The following UPF3A variants were observed in gnomAD, a reference collection of about 807,000 sequenced individuals.
The protein encoded by UPF3A is regulator of nonsense transcripts 3A.
UPF3A carries 42 observed loss-of-function variants against 53.5 expected under a neutral mutation model. That is an observed-to-expected ratio of 0.78 (90% CI 0.61 to 1.01). UPF3A has a LOEUF of 1.01. Ranked by LOEUF, UPF3A falls within the 50% of genes least tolerant of loss-of-function variation. The pLI, the probability that UPF3A is intolerant of heterozygous loss-of-function variation, is 0.00. For missense variants in UPF3A, 575 were observed against 598.0 expected, an observed-to-expected ratio of 0.96 and a Z score of 0.40; for synonymous variants, 237 against 225.3, an observed-to-expected ratio of 1.05 and a Z score of -0.47.
intron 7 of UPF3A, among the ~76,000 whole-genome samples, chr13:114,294,622 G>A (rs1315128699): frequency 3.3e-5 from 5 of 152,130 alleles, no homozygotes; most frequent in African/African-American, 9.7e-5. Context: ...TCAGGAGATC[G>A]AGACCATCCT....
chr13:114,299,791 C>T (rs948410880), intron 8 of UPF3A, among the ~76,000 whole-genome samples: 2 of 152,356 alleles, frequency 1.3e-5, no homozygotes, highest in African/African-American at 4.8e-5. Context: ...CACTGCCTCT[C>T]GCCACCCACA....
chr13:114,286,699 C>G, intron 5 of UPF3A, 70 bp downstream of exon 5: 1 of 1,278,812 alleles, frequency 7.8e-7, no homozygotes, highest in Non-Finnish European at 1.1e-6. Context: ...CGTTTTTTCT[C>G]TTTTTCTTGA....
At chr13:114,290,185 T>A (rs1403569100) in intron 5 of UPF3A, among the ~76,000 whole-genome samples, 4 of 152,162 alleles carry the variant, frequency 2.6e-5, no homozygotes. Context: ...AGCTCTTCCC[T>A]ACAACCACTG....
At chr13:114,296,237 G>A (rs1216659333) in intron 7 of UPF3A, among the ~76,000 whole-genome samples, 2 of 152,128 alleles carry the variant, frequency 1.3e-5, no homozygotes, top group Non-Finnish European at 2.9e-5. Flanking sequence ...ACAAAAATTA[G>A]CCAGGCATGG....
At chr13:114,304,611 T>A (rs2086875965) in intron 9 of UPF3A, among the ~76,000 whole-genome samples, 178 bp from the exon 10 acceptor site, 1 of 152,228 alleles carries the variant, frequency 6.6e-6, no homozygotes, top group South Asian at 2.1e-4. Flanking sequence ...ATGGCTTTTT[T>A]AATTGCCTTA....
Position 114,281,762 on chromosome 13 carries a change from G to A in UPF3A, c.123G>A (p.Glu41=), listed in dbSNP as rs1420509598. 2.6e-6 allele frequency: 4 copies of A among 1,557,714 alleles called. No individual in the cohort carries two copies. Among genetic ancestry groups the A allele is most frequent in the African/African-American group, 2.7e-5 (2 of 73,358 alleles). The change falls in exon 1 of 10, where the codon GAG becomes GAA. Residue 41 remains glutamate (E), a synonymous_variant. Transcript: ENST00000375299. ...TCCACCGCGACTCGCAGCAGCAGGA[G>A]GCTGAGACGCCGCCAACTTCGTCCT... ...VQFHRDSQQQ[E]AETPPTSSSG...
intron 4 of UPF3A, 46 bp from the exon 5 acceptor site, chr13:114,286,463 TTCTCCCGTAG>T (rs1198866304): frequency 6.2e-7 from 1 of 1,611,580 alleles, no homozygotes; most frequent in East Asian, 2.2e-5. Flanking sequence ...GCAAATGTAA[TTCTCCCGTAG>T]TTGGGAAAGA....
chr13:114,295,583 C>T (rs2085883795), intron 7 of UPF3A, among the ~76,000 whole-genome samples: 1 of 152,212 alleles, frequency 6.6e-6, no homozygotes, highest in Non-Finnish European at 1.5e-5. Context: ...CCCTCCTGGG[C>T]CCTCCTCTTC....
Position 114,281,645 on chromosome 13 carries a change from C to G in UPF3A, c.6C>G (p.Arg2=). 3 of 1,476,480 alleles carry G rather than the reference C, an allele frequency of 2.0e-6. No individual in the cohort carries two copies. The highest frequency in any genetic ancestry group is 2.7e-6 in the Non-Finnish European group (3 of 1,114,460). The allele number at this position is 1,476,480 out of a possible 1,614,324, so 91.5% of individuals were successfully genotyped here. Residue 2 remains arginine, a synonymous_variant, in exon 1 of 10, where the codon CGC becomes CGG. Coordinates refer to ENST00000375299, the MANE Select transcript of UPF3A (RefSeq NM_023011.4). ...GGCTCGGCGGAGAGTGCGGCATGCG[C>G]TCGGAAAAGGAGGGGGCCGGAGGCC... is the stretch of plus-strand genomic sequence containing the variant. M[R]SEKEGAGGLR... is the part of the protein sequence containing the mutation.
Position 114,305,543 on chromosome 13 carries a change from G to T in UPF3A, c.*626G>T, listed in dbSNP as rs2086944258. On this transcript the variant is annotated 3_prime_UTR_variant, in exon 10 of 10. Transcript: ENST00000375299. ...AAACGGTTTCAGTCTCTGGATGGAT[G>T]TGTTTGTGGTTTGTAACCATTACGG... 6.4e-6 allele frequency: 1 copy of T among 156,108 alleles called. No individual in the cohort carries two copies. The highest frequency in any genetic ancestry group is 2.4e-5 in the African/African-American group (1 of 41,466). The allele number at this position is 156,108 out of a possible 1,614,324, so 9.7% of individuals were successfully genotyped here.
In UPF3A at chr13:114,298,676, A is replaced by C. The variant is rs143329835; in HGVS notation, c.847-164A>C. ...AAATATTTCATTCACTGAATGTTCCACCACGTATTAAACCAAAAACCTCAT... is the reference window on the plus strand; with the variant it reads ...AAATATTTCATTCACTGAATGTTCCCCCACGTATTAAACCAAAAACCTCAT... On this transcript the variant is annotated intron_variant, in intron 7 of 9. Coordinates refer to ENST00000375299, the MANE Select transcript of UPF3A (RefSeq NM_023011.4). Among the ~76,000 whole-genome samples the C allele has an allele frequency of 7.2e-5, 11 of 152,298 alleles. No individual in the cohort carries two copies. In the East Asian group the frequency reaches 2.1e-3, roughly 29 times the overall value.
chr13:114,286,180 TTAAA>T, intron 3 of UPF3A, 118 bp from the exon 4 acceptor site: 3 of 1,222,768 alleles, frequency 2.5e-6, no homozygotes, highest in Non-Finnish European at 3.4e-6. Flanking sequence ...GAATTATAGT[TTAAA>T]TAGTAATAAT....
Position 114,282,272 on chromosome 13 carries a change from G to C in UPF3A, c.314+145G>C, listed in dbSNP as rs2084155519. The C allele has an allele frequency of 7.4e-6, 6 of 812,942 alleles. 1 individual carries two copies. The highest frequency in any genetic ancestry group is 3.7e-5 in the South Asian group (2 of 53,590). 50.4% of individuals were successfully genotyped at this position (812,942 alleles called of 1,614,324 possible). On this transcript the variant is annotated intron_variant, in intron 2 of 9. Coordinates refer to ENST00000375299, the MANE Select transcript of UPF3A (RefSeq NM_023011.4). ...TTGAATAAATACATTTCAGTAAAACGTGTCCGTTCCGTCAAAGAAAAATAC... is the reference window on the plus strand; with the variant it reads ...TTGAATAAATACATTTCAGTAAAACCTGTCCGTTCCGTCAAAGAAAAATAC...
chr13:114,301,906 G>T lies in UPF3A; in HGVS notation c.1183G>T (p.Asp395Tyr), dbSNP rs755908505. 31 of 1,609,952 alleles carry T rather than the reference G, an allele frequency of 1.9e-5. No homozygotes were observed. Among genetic ancestry groups the T allele is most frequent in the Non-Finnish European group, 2.6e-5 (31 of 1,178,246 alleles). The change falls in exon 9 of 10, where the codon GAC (aspartate) becomes TAC (tyrosine). Residue 395 changes from aspartate (D) to tyrosine (Y), a missense_variant. This residue lies in a region of UPF3A where 323 missense variants were observed against 415.2 expected (regional missense o/e 0.78). Coordinates refer to ENST00000375299, the MANE Select transcript of UPF3A (RefSeq NM_023011.4). ...EQRWGKGPGQ[D>Y]RGKKGSQDSG... is the part of the protein sequence containing the mutation. ...GAGATGGGGGAAAGGACCTGGCCAA[G>T]ACAGAGGGAAGAAGGGGAGCCAGGA...
At chr13:114,289,440 C>T (rs1436469888) in intron 5 of UPF3A, among the ~76,000 whole-genome samples, 2 of 150,736 alleles carry the variant, frequency 1.3e-5, no homozygotes, top group Non-Finnish European at 2.9e-5. Context: ...AGGAGAATCG[C>T]TTGAACTCGG....
chr13:114,296,252 G>T (rs9590412), intron 7 of UPF3A, among the ~76,000 whole-genome samples: 1 of 151,804 alleles, frequency 6.6e-6, no homozygotes, highest in Non-Finnish European at 1.5e-5. Flanking sequence ...GCATGGTGGC[G>T]CATGCCTGTA....
chr13:114,298,373 C>CAA (rs1010627920), intron 7 of UPF3A, among the ~76,000 whole-genome samples: 9 of 114,310 alleles, frequency 7.9e-5, no homozygotes, highest in Non-Finnish European at 9.4e-5. Context: ...AACTCCATCT[C>CAA]AAAAAAAAAA....
intron 3 of UPF3A, chr13:114,285,582 A>G (rs948821653): frequency 5.9e-5 from 9 of 152,386 alleles, no homozygotes; most frequent in Middle Eastern, 3.4e-3. Flanking sequence ...TTTAGTACCA[A>G]GGTAGCAGTG....
chr13:114,290,734 CTTTTTTTTT>C (rs112441605), intron 5 of UPF3A, among the ~76,000 whole-genome samples: 2 of 138,424 alleles, frequency 1.4e-5, no homozygotes, highest in African/African-American at 5.3e-5. Flanking sequence ...TCTTTTTTTT[CTTTTTTTTT>C]TTTTTTTGAG....
Sources: gnomAD v4.1 joint callset for allele counts (sites outside exome capture counted in the v4.1 genomes callset) on GRCh38, gnomAD v4.1.1 for gene constraint, gnomAD v4.1.1 regional missense constraint, MANE v1.5 for transcripts, NCBI Gene and HGNC (gene_info 2026-07-23, HGNC 2026-07-21) for gene names.